The following RNF216 variants were observed in gnomAD, a reference collection of about 807,000 sequenced individuals.
The protein encoded by RNF216 is E3 ubiquitin-protein ligase RNF216.
In RNF216, 72 loss-of-function variants were observed where a neutral mutation model predicts 110.8. That is an observed-to-expected ratio of 0.65 (90% CI 0.54 to 0.79). The LOEUF (loss-of-function observed/expected upper bound fraction) is 0.79, where lower values mean the gene tolerates loss of function less well. Among genes scored for constraint, RNF216 ranks in the 30% least tolerant of loss-of-function variants. The pLI is 0.00. For synonymous variants in RNF216, 495 were observed against 407.5 expected (o/e 1.21, Z -2.59); for missense variants, 1,342 against 1,141.2 (o/e 1.18, Z -2.54).
rs187394114 is a variant in RNF216 at position 5,770,073 on chromosome 7, G to C, written c.-69-8935C>G. On this transcript the variant is annotated intron_variant, in intron 1 of 16. Transcript: ENST00000389902. The stretch of plus-strand genomic sequence containing the variant: ...AAAAAAGACTGAAAATCGGCTGGGC[G>C]TGGTGGCTCACGCCTGTAGTCCCAC... 3.4e-3 allele frequency among the ~76,000 whole-genome samples: 508 copies of C among 149,744 alleles called. 1 individual carries two copies. Among genetic ancestry groups the C allele is most frequent in the African/African-American group, 0.012 (476 of 40,550 alleles).
chr7:5,646,283 C>A (rs1053377933), intron 14 of RNF216, among the ~76,000 whole-genome samples: 2 of 151,998 alleles, frequency 1.3e-5, no homozygotes, highest in African/African-American at 4.8e-5. Flanking sequence ...GCATGAGAAT[C>A]GCTTGGGCCC....
chr7:5,655,226 C>G (rs1307781435), intron 13 of RNF216, among the ~76,000 whole-genome samples: 1 of 152,182 alleles, frequency 6.6e-6, no homozygotes, highest in Non-Finnish European at 1.5e-5. Flanking sequence ...CTGCTCTGCT[C>G]ACCCTCTACG....
chr7:5,687,472 A>T (rs1406186854), intron 13 of RNF216, among the ~76,000 whole-genome samples: 2 of 152,136 alleles, frequency 1.3e-5, no homozygotes, highest in Non-Finnish European at 2.9e-5. Flanking sequence ...GGATTTTCAG[A>T]AACCAAAGAG....
chr7:5,776,268 G>A (rs896185272), intron 1 of RNF216, among the ~76,000 whole-genome samples: 1 of 152,008 alleles, frequency 6.6e-6, no homozygotes, highest in Non-Finnish European at 1.5e-5. Context: ...CCATCAATCA[G>A]AGAATAAAGT....
At chr7:5,675,082 A>C (rs1006973919) in intron 13 of RNF216, among the ~76,000 whole-genome samples, 15 of 152,236 alleles carry the variant, frequency 9.9e-5, no homozygotes, top group African/African-American at 3.1e-4. Context: ...TTCATATGTA[A>C]CTAAAGCAGA....
intron 9 of RNF216, among the ~76,000 whole-genome samples, chr7:5,717,030 T>G (rs10241310): frequency 6.6e-6 from 1 of 152,072 alleles, no homozygotes; most frequent in Non-Finnish European, 1.5e-5. Flanking sequence ...CAGCAAAGAA[T>G]AGCATCAACA....
At chr7:5,643,987 T>G (rs1787898291) in intron 14 of RNF216, among the ~76,000 whole-genome samples, 1 of 152,260 alleles carries the variant, frequency 6.6e-6, no homozygotes, top group African/African-American at 2.4e-5. Flanking sequence ...TGTGTTGTTT[T>G]CTAGGTTCAC....
At chr7:5,659,971 T>C (rs1047660162) in intron 13 of RNF216, among the ~76,000 whole-genome samples, 1 of 129,106 alleles carries the variant, frequency 7.7e-6, no homozygotes, top group South Asian at 2.5e-4. Flanking sequence ...TTTTTTTTTT[T>C]AGAGACAAGG....
chr7:5,749,344 T>C (rs558442181), intron 3 of RNF216, among the ~76,000 whole-genome samples: 115 of 152,200 alleles, frequency 7.6e-4, no homozygotes, highest in African/African-American at 2.6e-3. Context: ...AGAGACGAGG[T>C]TTCACCATGT....
chr7:5,724,255 G>C (rs1793616744), intron 8 of RNF216, among the ~76,000 whole-genome samples: 3 of 152,180 alleles, frequency 2.0e-5, no homozygotes, highest in Non-Finnish European at 4.4e-5. Flanking sequence ...CTGATGAAGG[G>C]ACAACAGTCA....
chr7:5,647,597 G>T (rs969069850), intron 14 of RNF216, among the ~76,000 whole-genome samples: 14 of 152,008 alleles, frequency 9.2e-5, no homozygotes, highest in Non-Finnish European at 2.1e-4. Flanking sequence ...GCCTCCCAAA[G>T]TGCTGGGATT....
In RNF216 at chr7:5,741,044, A is replaced by C. The variant is rs1271035947; in HGVS notation, c.973T>G (p.Leu325Val). 9.3e-6 allele frequency: 15 copies of C among 1,614,024 alleles called. No homozygotes were observed. The highest frequency in any genetic ancestry group is 1.2e-5 in the Non-Finnish European group (14 of 1,179,994). The change falls in exon 4 of 17, where the codon TTG becomes GTG. Residue 325 changes from leucine to valine, a missense_variant. By Grantham distance (32) the Leu-to-Val change is conservative. Coordinates refer to ENST00000389902, the MANE Select transcript of RNF216 (RefSeq NM_207111.4). ...FPMQESQEPNLENIWGQEAAE... is the reference protein window; with the variant it reads ...FPMQESQEPNVENIWGQEAAE... ...GCTTCTTGCCCCCAAATGTTTTCCA[A>C]ATTGGGCTCTTGAGATTCTTGCATT...
chr7:5,711,727 C>A (rs552815322), intron 13 of RNF216, 34 bp downstream of exon 13: 2 of 1,573,332 alleles, frequency 1.3e-6, no homozygotes, highest in Non-Finnish European at 1.7e-6. Context: ...TACCATAATT[C>A]AATATACATC....
At chr7:5,753,673 G>C (rs932128201) in intron 2 of RNF216, among the ~76,000 whole-genome samples, 2 of 152,118 alleles carry the variant, frequency 1.3e-5, no homozygotes, top group African/African-American at 4.8e-5. Flanking sequence ...AGTTCCATGG[G>C]AATATCAAAG....
At position 5,621,589 on chromosome 7, in the gene RNF216, T is replaced by G. The variant is rs1296779825; in HGVS notation, c.*1271A>C. The stretch of plus-strand genomic sequence containing the variant: ...GGAGGTGGCGGGCCACTCCGGAGAC[T>G]GATGCAGCCCCACCCCAATGGTTGT... On this transcript the variant is annotated 3_prime_UTR_variant, in exon 17 of 17. Coordinates refer to ENST00000389902, the MANE Select transcript of RNF216 (RefSeq NM_207111.4). 1 of 152,258 alleles carries G rather than the reference T, an allele frequency of 6.6e-6. No homozygotes were observed. Among genetic ancestry groups the G allele is most frequent in the Non-Finnish European group, 1.5e-5 (1 of 68,078 alleles). 9.4% of individuals were successfully genotyped at this position (152,258 alleles called of 1,614,324 possible). A position where few individuals can be genotyped will look rare whatever the true frequency, so the allele number is the denominator to read the frequency against.
intron 13 of RNF216, among the ~76,000 whole-genome samples, chr7:5,654,482 T>C (rs921258749): frequency 2.0e-5 from 3 of 151,582 alleles, no homozygotes; most frequent in Non-Finnish European, 4.4e-5. Context: ...AGGTCAGAAG[T>C]TCGAGACCAG....
rs937839568 is a variant in RNF216, at chr7:5,761,279, A to G, written c.-69-141T>C. ...TCCAAGGAGGTGGGTCAAAAAAAAA[A>G]AAAACCACACAAACTCAAAACCTAT... On this transcript the variant is annotated intron_variant, in intron 1 of 16. Transcript: ENST00000389902. 2.2e-4 allele frequency: 104 copies of G among 476,808 alleles called. No individual in the cohort carries two copies. The South Asian group carries it at 2.2e-3, about 10-fold the overall frequency. 29.5% of individuals were successfully genotyped at this position (476,808 alleles called of 1,614,324 possible).
chr7:5,690,922 A>T (rs531151141), intron 13 of RNF216, among the ~76,000 whole-genome samples: 2 of 152,286 alleles, frequency 1.3e-5, no homozygotes, highest in African/African-American at 4.8e-5. Context: ...GGCTGAAGAC[A>T]ACCTACAGAT....
At chr7:5,740,104 CTTTT>C (rs71004698) in intron 4 of RNF216, among the ~76,000 whole-genome samples, 7 of 118,498 alleles carry the variant, frequency 5.9e-5, no homozygotes, top group African/African-American at 2.4e-4. Flanking sequence ...GATGTAACAC[CTTTT>C]TTTTTTTTTT....
Sources: gnomAD v4.1 joint callset for allele counts (sites outside exome capture counted in the v4.1 genomes callset) on GRCh38, gnomAD v4.1.1 for gene constraint, MANE v1.5 for transcripts, NCBI Gene and HGNC (gene_info 2026-07-23, HGNC 2026-07-21) for gene names.